Variants in ACADL observed in about 807,000 individuals in gnomAD.
ACADL encodes acyl-CoA dehydrogenase long chain, also known as long-chain specific acyl-CoA dehydrogenase, mitochondrial.
In ACADL, 60 loss-of-function variants were observed where a neutral mutation model predicts 56.9. That is an observed-to-expected ratio of 1.05 (90% CI 0.86 to 1.31). The LOEUF (loss-of-function observed/expected upper bound fraction) is 1.31. Among genes scored for constraint, ACADL ranks in the 50% most tolerant of loss-of-function variants. ACADL has a pLI of 0.00. For synonymous variants in ACADL, 158 were observed against 179.7 expected, an observed-to-expected ratio of 0.88 and a Z score of 0.97; for missense variants, 484 against 525.5, an observed-to-expected ratio of 0.92 and a Z score of 0.77.
chr2:210,222,538 A>G (rs1430986535), intron 1 of ACADL, among the ~76,000 whole-genome samples: 1 of 152,044 alleles, frequency 6.6e-6, no homozygotes, highest in Non-Finnish European at 1.5e-5. Flanking sequence ...AAAGAAAAAA[A>G]AGTGCTGCAG....
chr2:210,196,174 CA>C (rs1688707778), intron 8 of ACADL, among the ~76,000 whole-genome samples: 1 of 152,110 alleles, frequency 6.6e-6, no homozygotes, highest in Non-Finnish European at 1.5e-5. Flanking sequence ...TGCCTGCTAC[CA>C]TGTAAGATGT....
Position 210,197,361 on chromosome 2 carries a change from C to A in ACADL, c.985-2023G>T, listed in dbSNP as rs539922007. On this transcript the variant is annotated intron_variant, in intron 8 of 10. Transcript: ENST00000233710. Reference sequence around the variant, plus strand: ...AAACTTTCTTCCCCGCTTATTGTTTCCCTTAATTTTTTCTATCTCCATTTC... The same window carrying A: ...AAACTTTCTTCCCCGCTTATTGTTTACCTTAATTTTTTCTATCTCCATTTC... 7.2e-5 allele frequency among the ~76,000 whole-genome samples: 11 copies of A among 152,206 alleles called. No individual in the cohort carries two copies. In the South Asian group the frequency reaches 2.3e-3, roughly 32 times the overall value.
intron 5 of ACADL, 91 bp downstream of exon 5, chr2:210,210,105 G>GACA (rs1399845158): frequency 1.1e-4 from 108 of 1,003,792 alleles, no homozygotes; most frequent in Non-Finnish European, 1.5e-4. Flanking sequence ...TGAGTCCCTA[G>GACA]ATTTAATAGA....
At chr2:210,200,558 C>T (rs1423294394) in intron 8 of ACADL, among the ~76,000 whole-genome samples, 2 of 152,074 alleles carry the variant, frequency 1.3e-5, no homozygotes, top group Non-Finnish European at 1.5e-5. Flanking sequence ...AGTATAACAT[C>T]CTTGCTCTTA....
intron 3 of ACADL, chr2:210,216,789 A>G (rs1689094375): frequency 2.7e-6 from 1 of 368,528 alleles, no homozygotes; most frequent in African/African-American, 2.1e-5. Context: ...TATTCCTCTA[A>G]CACAGTGGAA....
chr2:210,220,730 T>G lies in ACADL; in HGVS notation c.150A>C (p.Arg50=). The G allele has an allele frequency of 6.2e-7, 1 of 1,613,284 alleles. No individual in the cohort carries two copies. The highest frequency in any genetic ancestry group is 8.5e-7 in the Non-Finnish European group (1 of 1,179,606). Residue 50 remains arginine (R), a synonymous_variant, in exon 2 of 11, where the codon CGA becomes CGC. Coordinates refer to ENST00000233710, the MANE Select transcript of ACADL (RefSeq NM_001608.4). The stretch of plus-strand genomic sequence containing the variant: ...TGTCATGCTCTGGAGAAAAGATTCT[T>G]CGAATTCCTATATCTGTTAATTTTT... The part of the protein sequence containing the change: ...SAKKLTDIGI[R]RIFSPEHDIF...
intron 2 of ACADL, among the ~76,000 whole-genome samples, chr2:210,219,611 T>C (rs896803888): frequency 7.9e-5 from 12 of 152,326 alleles, no homozygotes; most frequent in African/African-American, 2.9e-4. Context: ...AAAAACCTAA[T>C]GGAAGTTACT....
intron 2 of ACADL, among the ~76,000 whole-genome samples, chr2:210,219,249 GA>G (rs1322546393): frequency 2.0e-5 from 3 of 152,154 alleles, no homozygotes; most frequent in Non-Finnish European, 2.9e-5. Flanking sequence ...AAAGCAGTGA[GA>G]AATAAACAAG....
chr2:210,200,810 G>A lies in ACADL; in HGVS notation c.984+2521C>T, dbSNP rs927166278. On this transcript the variant is annotated intron_variant, in intron 8 of 10. Transcript: ENST00000233710. ...GATCAAGAGCAAGAGGAAGTAGATGGTAAAAAGGTCTCCCATATTGAAACA... is the reference window on the plus strand; with the variant it reads ...GATCAAGAGCAAGAGGAAGTAGATGATAAAAAGGTCTCCCATATTGAAACA... Among the ~76,000 whole-genome samples, 4 of 152,250 alleles carry A rather than the reference G, an allele frequency of 2.6e-5. No homozygotes were observed. In the East Asian group the frequency reaches 5.8e-4, roughly 22 times the overall value.
At chr2:210,217,714 A>AG (rs746532801) in intron 3 of ACADL, 1 of 460,174 alleles carries the variant, frequency 2.2e-6, no homozygotes, top group Non-Finnish European at 3.9e-6. Context: ...AAGCATTGAC[A>AG]GGAAAAAAAA....
chr2:210,216,789 A>T, intron 3 of ACADL: 1 of 368,528 alleles, frequency 2.7e-6, no homozygotes. Context: ...TATTCCTCTA[A>T]CACAGTGGAA....
chr2:210,200,186 A>T (rs118005749), intron 8 of ACADL, among the ~76,000 whole-genome samples: 2 of 152,288 alleles, frequency 1.3e-5, no homozygotes, highest in East Asian at 3.9e-4. Flanking sequence ...TCATATTGCC[A>T]GGAGCGTAGT....
Position 210,221,550 on chromosome 2 carries a change from C to T in ACADL, c.78-748G>A, listed in dbSNP as rs552623463. ...AAACTTATCATATATTCAAATCTTGCCAAAGGATGCTTTTTCTATTTTGCA... is the reference window on the plus strand; with the variant it reads ...AAACTTATCATATATTCAAATCTTGTCAAAGGATGCTTTTTCTATTTTGCA... On this transcript the variant is annotated intron_variant, in intron 1 of 10. Transcript: ENST00000233710. Among the ~76,000 whole-genome samples the T allele has an allele frequency of 3.3e-5, 5 of 152,232 alleles. No homozygotes were observed. The South Asian group carries it at 1.0e-3, about 32-fold the overall frequency.
At chr2:210,189,759 C>T (rs1688602322) in intron 10 of ACADL, among the ~76,000 whole-genome samples, 1 of 151,438 alleles carries the variant, frequency 6.6e-6, no homozygotes, top group Non-Finnish European at 1.5e-5. Flanking sequence ...CTCATTTTAT[C>T]CTCTCAGCTC....
At position 210,220,689 on chromosome 2, in the gene ACADL, A is replaced by G. The variant is rs1304787061; in HGVS notation, c.191T>C (p.Val64Ala). The G allele has an allele frequency of 3.7e-6, 6 of 1,613,400 alleles. No homozygotes were observed. Among genetic ancestry groups the G allele is most frequent in the Non-Finnish European group, 4.2e-6 (5 of 1,179,756 alleles). ...SPEHDIFRKSVRKFFQEEVIP... is the reference protein window; with the variant it reads ...SPEHDIFRKSARKFFQEEVIP... ...CACTTCTTCTTGGAAAAACTTCCTT[A>G]CACTTTTCCGGAAAATGTCATGCTC... Residue 64 changes from valine (V) to alanine (A), a missense_variant, in exon 2 of 11, where the codon GTA becomes GCA. Val to Ala is a moderately conservative substitution (Grantham distance 64). Coordinates refer to ENST00000233710, the MANE Select transcript of ACADL (RefSeq NM_001608.4).
At chr2:210,209,340 G>A (rs1277938111) in intron 5 of ACADL, among the ~76,000 whole-genome samples, 1 of 152,056 alleles carries the variant, frequency 6.6e-6, no homozygotes, top group Non-Finnish European at 1.5e-5. Flanking sequence ...ACCATTTCAG[G>A]TGGGCAATAT....
At position 210,218,459 on chromosome 2, in the gene ACADL, T is replaced by A. The variant is rs570411637; in HGVS notation, c.234-357A>T. ...CAAGGCCAGGCTAATTAAAAAAAAATTTTTTTTTGTAGAGACGGGGTCTTA... is the reference window on the plus strand; with the variant it reads ...CAAGGCCAGGCTAATTAAAAAAAAAATTTTTTTTGTAGAGACGGGGTCTTA... On this transcript the variant is annotated intron_variant, in intron 2 of 10. Coordinates refer to ENST00000233710, the MANE Select transcript of ACADL (RefSeq NM_001608.4). The A allele has an allele frequency of 7.5e-4, 174 of 231,544 alleles. 1 individual carries two copies. In the South Asian group the frequency reaches 8.1e-3, roughly 11 times the overall value. The allele number at this position is 231,544 out of a possible 1,614,324, so 14.3% of individuals were successfully genotyped here. A position where few individuals can be genotyped will look rare whatever the true frequency, so the allele number is the denominator to read the frequency against.
intron 5 of ACADL, among the ~76,000 whole-genome samples, chr2:210,208,648 A>T (rs563569879): frequency 6.6e-6 from 1 of 152,220 alleles, no homozygotes; most frequent in Non-Finnish European, 1.5e-5. Flanking sequence ...CCATAAGTAC[A>T]TAATACAACT....
rs1243866776 is a variant in ACADL at position 210,190,928 on chromosome 2, T to TC, written c.1199+1875_1200-1874insG. Among the ~76,000 whole-genome samples the TC allele has an allele frequency of 2.0e-5, 3 of 150,938 alleles. No individual in the cohort carries two copies. In the East Asian group the frequency reaches 5.8e-4, roughly 29 times the overall value. On this transcript the variant is annotated intron_variant, in intron 10 of 10. Coordinates refer to ENST00000233710, the MANE Select transcript of ACADL (RefSeq NM_001608.4). ...TGTTGTTGTTGTTGTTGTTTGTTTT[T>TC]TTTTTTTTGAGACAGTCTCACTCTG... is the stretch of plus-strand genomic sequence containing the variant.
Sources: gnomAD v4.1 joint callset for allele counts (sites outside exome capture counted in the v4.1 genomes callset) on GRCh38, gnomAD v4.1.1 for gene constraint, MANE v1.5 for transcripts, NCBI Gene and HGNC (gene_info 2026-07-23, HGNC 2026-07-21) for gene names.